AHNAK: variants seen among roughly 807,000 people sequenced by gnomAD.
AHNAK encodes the protein neuroblast differentiation-associated protein AHNAK.
In AHNAK, 23 loss-of-function variants were observed where a neutral mutation model predicts 37.8. That is an observed-to-expected ratio of 0.61 (90% CI 0.44 to 0.86). AHNAK has a LOEUF of 0.86. Ranked by LOEUF, AHNAK falls within the 40% of genes least tolerant of loss-of-function variation. The probability of loss-of-function intolerance (pLI) is 0.00; values close to 1 mark genes in which losing one functional copy is unlikely to be tolerated. For missense variants in AHNAK, 7,411 were observed against 7,319.4 expected (o/e 1.01, Z -0.46); for synonymous variants, 2,481 against 2,636.3 (o/e 0.94, Z 1.80).
intron 4 of AHNAK, among the ~76,000 whole-genome samples, chr11:62,507,575 G>A (rs1435046818): frequency 6.6e-6 from 1 of 152,152 alleles, no homozygotes; most frequent in East Asian, 1.9e-4. Flanking sequence ...CAGATCACTT[G>A]AGGTCAGGAG....
At position 62,533,735 on chromosome 11, in the gene AHNAK, C is replaced by G; in HGVS notation, c.682G>C (p.Ala228Pro). ...TGSAVDIRAG[A>P]ISASGPELQG... Reference sequence around the variant, plus strand: ...AGCTCTGGTCCTGAAGCAGAAATGGCCCCTGCTCGGATATCCACAGCAGAG... The same window carrying G: ...AGCTCTGGTCCTGAAGCAGAAATGGGCCCTGCTCGGATATCCACAGCAGAG... The change falls in exon 5 of 5, where the codon GCC (alanine) becomes CCC (proline). Residue 228 changes from alanine (A) to proline (P), a missense_variant. Ala to Pro is a conservative substitution (Grantham distance 27). Transcript: ENST00000378024. 5 of 1,614,174 alleles carry G rather than the reference C, an allele frequency of 3.1e-6. No individual in the cohort carries two copies. Among genetic ancestry groups the G allele is most frequent in the Non-Finnish European group, 3.4e-6 (4 of 1,180,040 alleles).
chr11:62,543,855 G>A (rs750313347), intron 1 of AHNAK, among the ~76,000 whole-genome samples: 4 of 152,306 alleles, frequency 2.6e-5, no homozygotes, highest in Non-Finnish European at 5.9e-5. Flanking sequence ...AAACCTAAGC[G>A]TGCACAGCAC....
chr11:62,542,868 T>C (rs1941176501), intron 1 of AHNAK, among the ~76,000 whole-genome samples: 1 of 152,162 alleles, frequency 6.6e-6, no homozygotes, highest in Admixed American at 6.5e-5. Flanking sequence ...TGGGGTAGAT[T>C]ACAGTTTGGA....
chr11:62,518,251 G>A lies in AHNAK; in HGVS notation c.16166C>T (p.Ala5389Val), dbSNP rs762429374. 6 of 1,614,174 alleles carry A rather than the reference G, an allele frequency of 3.7e-6. No individual in the cohort carries two copies. In the East Asian group the frequency reaches 6.7e-5, roughly 18 times the overall value. The change falls in exon 5 of 5, where the codon GCT (alanine) becomes GTT (valine). Residue 5389 changes from alanine to valine, a missense_variant. Physicochemically the swap from Ala to Val is moderately conservative, Grantham distance 64. Coordinates refer to ENST00000378024, the MANE Select transcript of AHNAK (RefSeq NM_001620.3). ...DIKCPKVSVG[A>V]PDLSLEASEG... ...GGATGCCTCCAAGCTTAGATCAGGA[G>A]CTCCTACGGATACTTTAGGGCATTT... is the stretch of plus-strand genomic sequence containing the variant.
chr11:62,518,194 A>G lies in AHNAK; in HGVS notation c.16223T>C (p.Leu5408Pro), dbSNP rs1940097208. The stretch of plus-strand genomic sequence containing the variant: ...CGGAGTAGAGATGCCAAATTGGGGC[A>G]GCTTCATTTTGGGAAGTTTAATGCT... The part of the protein sequence containing the change: ...EGSIKLPKMK[L>P]PQFGISTPGS... The change falls in exon 5 of 5, where the codon CTG (leucine) becomes CCG (proline). Residue 5408 changes from leucine (L) to proline (P), a missense_variant. Leu to Pro is a moderately conservative substitution (Grantham distance 98). Coordinates refer to ENST00000378024, the MANE Select transcript of AHNAK (RefSeq NM_001620.3). 1 of 1,614,190 alleles carries G rather than the reference A, an allele frequency of 6.2e-7. No individual in the cohort carries two copies. Among genetic ancestry groups the G allele is most frequent in the Non-Finnish European group, 8.5e-7 (1 of 1,180,026 alleles).
rs1565245678 is a variant in AHNAK, at chr11:62,532,648, G to A, written c.1769C>T (p.Thr590Ile). The A allele has an allele frequency of 1.2e-6, 2 of 1,611,418 alleles. No individual in the cohort carries two copies. The highest frequency in any genetic ancestry group is 1.7e-6 in the Non-Finnish European group (2 of 1,179,044). Residue 590 changes from threonine to isoleucine, a missense_variant, in exon 5 of 5, where the codon ACA (threonine) becomes ATA (isoleucine). Transcript: ENST00000378024. ...APKVKGGVDV[T>I]LPRVEGKVKV... is the part of the protein sequence containing the mutation. ...GACTTTCCCTTCTACTCTGGGGAGT[G>A]TGACATCTACACCCCCTTTCACTTT...
chr11:62,515,783 A>T, downstream of AHNAK: 2 of 698,362 alleles, frequency 2.9e-6, no homozygotes, highest in Non-Finnish European at 3.6e-6. Context: ...TCACTGTCTT[A>T]AAGTCACTGA....
chr11:62,438,382 C>T (rs1381230762), intron 5 of AHNAK, among the ~76,000 whole-genome samples: 2 of 151,906 alleles, frequency 1.3e-5, no homozygotes, highest in African/African-American at 4.8e-5. Flanking sequence ...AGGGTTTCAC[C>T]GTGTTTATCA....
chr11:62,534,077 G>A lies in AHNAK; in HGVS notation c.343-3C>T. The A allele has an allele frequency of 6.5e-7, 1 of 1,528,908 alleles. No homozygotes were observed. The highest frequency in any genetic ancestry group is 8.8e-7 in the Non-Finnish European group (1 of 1,138,026). 94.7% of individuals were successfully genotyped at this position (1,528,908 alleles called of 1,614,324 possible). On this transcript the variant is annotated splice_polypyrimidine_tract_variant and splice_region_variant and intron_variant, in intron 4 of 4. Coordinates refer to ENST00000378024, the MANE Select transcript of AHNAK (RefSeq NM_001620.3). Reference sequence around the variant, plus strand: ...TGGTACTCCTCATCATCCCCGCTCTGCAGAAAGACACGCCGGGCAGAGGTT... The same window carrying A: ...TGGTACTCCTCATCATCCCCGCTCTACAGAAAGACACGCCGGGCAGAGGTT...
intron 1 of AHNAK, among the ~76,000 whole-genome samples, chr11:62,541,600 A>G (rs969749540): frequency 6.6e-6 from 1 of 152,138 alleles, no homozygotes; most frequent in Non-Finnish European, 1.5e-5. Flanking sequence ...AGAAAAAAAA[A>G]CCCCACACAC....
rs764893680 is a variant in AHNAK, at chr11:62,525,613, G to A, written c.8804C>T (p.Pro2935Leu). The A allele has an allele frequency of 5.0e-6, 8 of 1,613,270 alleles. No individual in the cohort carries two copies. Among genetic ancestry groups the A allele is most frequent in the Non-Finnish European group, 1.7e-6 (2 of 1,179,902 alleles). ...VSGPKVDVEG[P>L]DVNIEGPEGK... is the part of the protein sequence containing the mutation. The stretch of plus-strand genomic sequence containing the variant: ...CTCTGGTCCTTCAATGTTAACATCA[G>A]GGCCTTCAACGTCCACTTTGGGGCC... The change falls in exon 5 of 5, where the codon CCT becomes CTT. Residue 2935 changes from proline (P) to leucine (L), a missense_variant. Coordinates refer to ENST00000378024, the MANE Select transcript of AHNAK (RefSeq NM_001620.3).
chr11:62,458,410 G>A (rs1938713892), intron 5 of AHNAK, among the ~76,000 whole-genome samples: 1 of 152,112 alleles, frequency 6.6e-6, no homozygotes, highest in Non-Finnish European at 1.5e-5. Flanking sequence ...ATACAGTACA[G>A]AGTGCACCAC....
At chr11:62,436,532 A>C (rs1168069330) in intron 5 of AHNAK, among the ~76,000 whole-genome samples, 1 of 152,132 alleles carries the variant, frequency 6.6e-6, no homozygotes, top group Admixed American at 6.5e-5. Flanking sequence ...GGATAGATTA[A>C]GGCAAATAAT....
At chr11:62,438,150 T>A (rs1241363875) in intron 5 of AHNAK, among the ~76,000 whole-genome samples, 1 of 151,970 alleles carries the variant, frequency 6.6e-6, no homozygotes, top group Non-Finnish European at 1.5e-5. Context: ...TCCTCTTTTG[T>A]TAGTGCCTGG....
intron 5 of AHNAK, among the ~76,000 whole-genome samples, chr11:62,437,364 G>A (rs899255954): frequency 2.6e-5 from 4 of 152,198 alleles, no homozygotes; most frequent in South Asian, 2.1e-4. Context: ...GCTTTGTTTT[G>A]TTTTGTTTTG....
chr11:62,467,154 G>A (rs1938928575), intron 5 of AHNAK, among the ~76,000 whole-genome samples: 1 of 147,208 alleles, frequency 6.8e-6, no homozygotes, highest in African/African-American at 2.5e-5. Context: ...AAAGGCTATA[G>A]TAAACCATGT....
At chr11:62,535,876 C>T (rs1940928556) in intron 3 of AHNAK, 69 bp downstream of exon 3, 2 of 1,543,146 alleles carry the variant, frequency 1.3e-6, no homozygotes, top group Non-Finnish European at 1.7e-6. Flanking sequence ...CTGCTCCCTG[C>T]CCTTCCCTCC....
intron 5 of AHNAK, among the ~76,000 whole-genome samples, chr11:62,479,167 C>CTTTT (rs33929407): frequency 6.0e-5 from 7 of 116,250 alleles, no homozygotes; most frequent in South Asian, 2.7e-4. Flanking sequence ...TTTCTTTTTT[C>CTTTT]TTTTTTTTTT....
At chr11:62,444,182 T>C (rs930715831) in intron 5 of AHNAK, among the ~76,000 whole-genome samples, 3 of 152,156 alleles carry the variant, frequency 2.0e-5, no homozygotes, top group African/African-American at 7.2e-5. Context: ...GCGTTCTTCT[T>C]TGGCAGATAG....
Sources: allele counts gnomAD v4.1 joint callset (sites outside exome capture counted in the v4.1 genomes callset), GRCh38; gene constraint gnomAD v4.1.1; transcripts MANE v1.5; gene names NCBI Gene and HGNC (gene_info 2026-07-23, HGNC 2026-07-21).